NR3C2: variants seen among roughly 807,000 people sequenced by gnomAD.
NR3C2 encodes the protein nuclear receptor subfamily 3 group C member 2, also known as mineralocorticoid receptor.
A neutral mutation model predicts 86.4 loss-of-function variants in NR3C2; 15 were observed. The ratio of observed to expected loss-of-function variants is 0.17; its 90% CI spans 0.12 to 0.27. NR3C2 has a LOEUF of 0.27. NR3C2 is among the 10% of genes least tolerant of loss of function. NR3C2 has a pLI of 1.00. For synonymous variants in NR3C2, 458 were observed against 450.5 expected (o/e 1.02, Z -0.21); for missense variants, 960 against 1,195.6 (o/e 0.80, Z 2.91).
chr4:148,404,946 AATTAGATGGTTCCAAACTCATGT>A (rs1184513173), intron 2 of NR3C2, among the ~76,000 whole-genome samples: 3 of 152,188 alleles, frequency 2.0e-5, no homozygotes, highest in African/African-American at 7.2e-5. Flanking sequence ...GCATGTGGAG[AATTAGATGGTTCCAAACTCATGT>A]ATTAGATGTT....
At chr4:148,338,745 T>C (rs1290229702) in intron 2 of NR3C2, among the ~76,000 whole-genome samples, 1 of 152,126 alleles carries the variant, frequency 6.6e-6, no homozygotes, top group East Asian at 1.9e-4. Flanking sequence ...AATCCAATAA[T>C]GCTGAAAGGA....
In NR3C2 at chr4:148,101,237, CAT is replaced by C. The variant is rs1291029640; in HGVS notation, c.2799+12865_2799+12866del. On this transcript the variant is annotated intron_variant, in intron 8 of 8. Transcript: ENST00000358102. Reference sequence around the variant, plus strand: ...ATTCCCCCTTCTCATTTCTGTAAAACATAGTACAATTGCATCTTAAAATGTTG... The same window carrying C: ...ATTCCCCCTTCTCATTTCTGTAAAACAGTACAATTGCATCTTAAAATGTTG... Among the ~76,000 whole-genome samples the C allele has an allele frequency of 2.0e-5, 3 of 152,186 alleles. No homozygotes were observed. The East Asian group carries it at 5.8e-4, about 29-fold the overall frequency.
chr4:148,147,741 T>C (rs940040904), intron 6 of NR3C2, among the ~76,000 whole-genome samples: 10 of 152,222 alleles, frequency 6.6e-5, no homozygotes, highest in African/African-American at 2.4e-4. Context: ...AAATGCCAGA[T>C]TGCTGCCTTT....
chr4:148,355,878 T>A (rs553106454), intron 2 of NR3C2, among the ~76,000 whole-genome samples: 2 of 152,216 alleles, frequency 1.3e-5, no homozygotes, highest in Non-Finnish European at 2.9e-5. Flanking sequence ...ACCTGCTACC[T>A]GACCCTGGCC....
At chr4:148,430,116 C>T (rs916417152) in intron 2 of NR3C2, among the ~76,000 whole-genome samples, 1 of 152,060 alleles carries the variant, frequency 6.6e-6, no homozygotes, top group Admixed American at 6.6e-5. Context: ...TTGCAAAAGG[C>T]AACATGGAAT....
intron 2 of NR3C2, among the ~76,000 whole-genome samples, chr4:148,384,336 A>G (rs1490844357): frequency 6.6e-6 from 1 of 152,172 alleles, no homozygotes; most frequent in Non-Finnish European, 1.5e-5. Context: ...TACAGTATAA[A>G]TCTTATTTAT....
intron 3 of NR3C2, among the ~76,000 whole-genome samples, chr4:148,215,889 C>G (rs1187153295): frequency 1.3e-5 from 2 of 151,710 alleles, no homozygotes; most frequent in Non-Finnish European, 2.9e-5. Context: ...AACCAATTCC[C>G]CTGCCTCAGC....
At chr4:148,258,870 T>G (rs1739954525) in intron 3 of NR3C2, among the ~76,000 whole-genome samples, 1 of 152,234 alleles carries the variant, frequency 6.6e-6, no homozygotes, top group Non-Finnish European at 1.5e-5. Flanking sequence ...CTATCACCTG[T>G]AACCAAGAGC....
At chr4:148,276,227 T>G (rs1362462826) in intron 2 of NR3C2, among the ~76,000 whole-genome samples, 1 of 151,862 alleles carries the variant, frequency 6.6e-6, no homozygotes, top group Non-Finnish European at 1.5e-5. Flanking sequence ...ACCAGAAGAG[T>G]GAGGTGCTAT....
At position 148,167,871 on chromosome 4, in the gene NR3C2, C is replaced by T. The variant is rs72653832; in HGVS notation, c.2015-12970G>A. On this transcript the variant is annotated intron_variant, in intron 4 of 8. Coordinates refer to ENST00000358102, the MANE Select transcript of NR3C2 (RefSeq NM_000901.5). Reference sequence around the variant, plus strand: ...AAAACAATTCCAGGCAAGGCTCAACCCAGCATCACGCTGATAACAAAAGTA... The same window carrying T: ...AAAACAATTCCAGGCAAGGCTCAACTCAGCATCACGCTGATAACAAAAGTA... 8.1e-3 allele frequency among the ~76,000 whole-genome samples: 1,239 copies of T among 152,278 alleles called. 15 individuals carry two copies. Among genetic ancestry groups the T allele is most frequent in the African/African-American group, 0.029 (1,186 of 41,550 alleles).
At chr4:148,184,786 T>C (rs1382310628) in intron 4 of NR3C2, among the ~76,000 whole-genome samples, 2 of 152,176 alleles carry the variant, frequency 1.3e-5, no homozygotes, top group Admixed American at 1.3e-4. Flanking sequence ...CTCACTCACA[T>C]ACTACAGAGG....
At chr4:148,371,234 T>G (rs1474202809) in intron 2 of NR3C2, among the ~76,000 whole-genome samples, 1 of 152,216 alleles carries the variant, frequency 6.6e-6, no homozygotes, top group African/African-American at 2.4e-5. Flanking sequence ...CAACTATATT[T>G]TACTATAGTC....
chr4:148,290,712 T>C (rs972272964), intron 2 of NR3C2, among the ~76,000 whole-genome samples: 2 of 152,198 alleles, frequency 1.3e-5, no homozygotes, highest in Non-Finnish European at 2.9e-5. Flanking sequence ...TTAGCTGTCA[T>C]ACATGAACCT....
intron 1 of NR3C2, among the ~76,000 whole-genome samples, chr4:148,440,845 C>T (rs1332176189): frequency 1.3e-5 from 2 of 152,160 alleles, no homozygotes; most frequent in Non-Finnish European, 2.9e-5. Flanking sequence ...TCTGGAAACA[C>T]TTTCACTTTT....
intron 2 of NR3C2, among the ~76,000 whole-genome samples, chr4:148,411,918 A>C (rs1028824453): frequency 6.6e-6 from 1 of 152,218 alleles, no homozygotes; most frequent in Admixed American, 6.5e-5. Flanking sequence ...AGAACAAGAA[A>C]ATCCACTTAT....
intron 2 of NR3C2, among the ~76,000 whole-genome samples, chr4:148,425,117 ATTT>A (rs1749464624): frequency 6.6e-6 from 1 of 152,198 alleles, no homozygotes; most frequent in Non-Finnish European, 1.5e-5. Context: ...TCATTTAATA[ATTT>A]TATTAATATT....
At chr4:148,103,864 T>C (rs1248164172) in intron 8 of NR3C2, among the ~76,000 whole-genome samples, 3 of 152,288 alleles carry the variant, frequency 2.0e-5, no homozygotes, top group African/African-American at 4.8e-5. Context: ...AGTCCTTGGC[T>C]TGTCCAGACC....
At chr4:148,167,387 A>G (rs945770408) in intron 4 of NR3C2, among the ~76,000 whole-genome samples, 16 of 152,242 alleles carry the variant, frequency 1.1e-4, no homozygotes, top group Admixed American at 6.5e-5. Flanking sequence ...CCAAATTTAA[A>G]TGGGGCTAAC....
intron 1 of NR3C2, among the ~76,000 whole-genome samples, chr4:148,440,462 TTA>T (rs1750280319): frequency 2.0e-5 from 3 of 152,230 alleles, no homozygotes; most frequent in African/African-American, 2.4e-5. Context: ...AAGAAAAAGT[TTA>T]TGTTACTAAA....
Sources: allele counts gnomAD v4.1 joint callset (sites outside exome capture counted in the v4.1 genomes callset), GRCh38; gene constraint gnomAD v4.1.1; transcripts MANE v1.5; gene names NCBI Gene and HGNC (gene_info 2026-07-23, HGNC 2026-07-21).